Variants in CFAP299 observed in about 807,000 individuals in gnomAD.
CFAP299 encodes the protein cilia and flagella associated protein 299, also known as cilia- and flagella-associated protein 299.
CFAP299 carries 21 observed loss-of-function variants against 27.0 expected under a neutral mutation model. The observed-to-expected ratio is 0.78, with a 90% CI of 0.55 to 1.12. CFAP299 has a LOEUF of 1.12. Ranked by LOEUF, CFAP299 falls within the 50% of genes most tolerant of loss-of-function variation. CFAP299 has a pLI of 0.00. For missense variants in CFAP299, 310 were observed against 276.6 expected (o/e 1.12, Z -0.86); for synonymous variants, 104 against 98.1 (o/e 1.06, Z -0.36).
intron 2 of CFAP299, among the ~76,000 whole-genome samples, chr4:80,471,816 T>C (rs1350012635): frequency 2.6e-5 from 4 of 152,192 alleles, no homozygotes; most frequent in Non-Finnish European, 5.9e-5. Flanking sequence ...AGTGTTTCTG[T>C]AACTGCGAGA....
intron 2 of CFAP299, among the ~76,000 whole-genome samples, chr4:80,405,690 G>A (rs549543562): frequency 1.1e-3 from 162 of 151,912 alleles, no homozygotes; most frequent in Non-Finnish European, 1.5e-3. Flanking sequence ...TAGTATTTAA[G>A]CACATCCTTC....
intron 4 of CFAP299, among the ~76,000 whole-genome samples, chr4:80,894,024 CAAA>C (rs1459872471): frequency 2.0e-5 from 3 of 151,518 alleles, no homozygotes; most frequent in African/African-American, 7.3e-5. Context: ...AGCAAGAAAA[CAAA>C]TAACCCAATT....
chr4:80,360,502 G>A (rs1030358226), intron 1 of CFAP299, among the ~76,000 whole-genome samples: 6 of 152,190 alleles, frequency 3.9e-5, no homozygotes, highest in Non-Finnish European at 5.9e-5. Context: ...AGATGTCAGT[G>A]ATTATCTCTG....
chr4:80,824,698 A>G (rs2110126738), intron 3 of CFAP299, among the ~76,000 whole-genome samples: 1 of 152,274 alleles, frequency 6.6e-6, no homozygotes, highest in Non-Finnish European at 1.5e-5. Context: ...CCTTAAGTTT[A>G]CATGTCAGGC....
intron 4 of CFAP299, among the ~76,000 whole-genome samples, chr4:80,908,437 T>C (rs907160537): frequency 3.3e-5 from 5 of 152,212 alleles, no homozygotes; most frequent in Non-Finnish European, 2.9e-5. Context: ...TTTGAGAATA[T>C]TGATTTAGCA....
chr4:80,476,045 G>A (rs1445247240), intron 2 of CFAP299, among the ~76,000 whole-genome samples: 2 of 152,202 alleles, frequency 1.3e-5, no homozygotes, highest in African/African-American at 4.8e-5. Flanking sequence ...ACATGGTGCT[G>A]TAATAATGCT....
In CFAP299 at chr4:80,596,006, G is replaced by A. The variant is rs941572232; in HGVS notation, c.333+12823G>A. 3.3e-5 allele frequency among the ~76,000 whole-genome samples: 5 copies of A among 152,040 alleles called. 1 individual carries two copies. In the South Asian group the frequency reaches 1.0e-3, roughly 32 times the overall value. On this transcript the variant is annotated intron_variant, in intron 3 of 5. Transcript: ENST00000358105. ...CTATTAGTCTTTGTGAGACTCTCTT[G>A]AATGAAACAGAATTGACCAAATGAA...
At chr4:80,437,501 C>T (rs530629240) in intron 2 of CFAP299, among the ~76,000 whole-genome samples, 59 of 152,220 alleles carry the variant, frequency 3.9e-4, no homozygotes, top group Non-Finnish European at 6.5e-4. Context: ...ACGATGGAGG[C>T]GAGCTGATAC....
At chr4:80,387,988 C>T in intron 2 of CFAP299, 1 of 727,350 alleles carries the variant, frequency 1.4e-6, no homozygotes, top group South Asian at 1.7e-5. Context: ...ATACTGGAGC[C>T]TCCACACACT....
At chr4:80,897,550 A>T (rs973081763) in intron 4 of CFAP299, among the ~76,000 whole-genome samples, 2 of 152,214 alleles carry the variant, frequency 1.3e-5, no homozygotes, top group Non-Finnish European at 1.5e-5. Flanking sequence ...TTTAGCTTTC[A>T]TAATAACTCT....
chr4:80,606,967 T>C lies in CFAP299; in HGVS notation c.333+23784T>C, dbSNP rs549237822. On this transcript the variant is annotated intron_variant, in intron 3 of 5. Transcript: ENST00000358105. ...TTTGATATAATCATCATTTGACTTTTCTTGTCTTTGATGCATTCAGTAATG... is the reference window on the plus strand; with the variant it reads ...TTTGATATAATCATCATTTGACTTTCCTTGTCTTTGATGCATTCAGTAATG... 6.6e-5 allele frequency among the ~76,000 whole-genome samples: 10 copies of C among 152,328 alleles called. No homozygotes were observed. In the South Asian group the frequency reaches 1.5e-3, roughly 22 times the overall value.
intron 2 of CFAP299, among the ~76,000 whole-genome samples, chr4:80,438,412 T>A (rs1160921830): frequency 6.6e-6 from 1 of 152,222 alleles, no homozygotes; most frequent in Admixed American, 6.5e-5. Context: ...CCAAATGTCA[T>A]CCCAACTCTT....
intron 2 of CFAP299, among the ~76,000 whole-genome samples, chr4:80,396,929 T>A (rs1725830445): frequency 1.3e-5 from 2 of 152,212 alleles, no homozygotes; most frequent in African/African-American, 4.8e-5. Flanking sequence ...CTTTTTCTAT[T>A]GATTGGAATA....
intron 3 of CFAP299, among the ~76,000 whole-genome samples, chr4:80,844,888 G>A (rs997131906): frequency 1.3e-5 from 2 of 152,138 alleles, no homozygotes; most frequent in African/African-American, 2.4e-5. Context: ...ATGGTTTTAG[G>A]TCTAACATGT....
chr4:80,441,337 T>C lies in CFAP299; in HGVS notation c.242+78453T>C, dbSNP rs144989272. On this transcript the variant is annotated intron_variant, in intron 2 of 5. Coordinates refer to ENST00000358105, the MANE Select transcript of CFAP299 (RefSeq NM_152770.3). ...CAGGTTACCCACAACAAGAAGTCCA[T>C]TGGAGTAACAGCGGATCTCTCTGCA... is the stretch of plus-strand genomic sequence containing the variant. Among the ~76,000 whole-genome samples, 477 of 152,288 alleles carry C rather than the reference T, an allele frequency of 3.1e-3. 3 individuals carry two copies. The highest frequency in any genetic ancestry group is 0.011 in the African/African-American group (460 of 41,556).
chr4:80,924,678 T>C (rs369783147), intron 4 of CFAP299, among the ~76,000 whole-genome samples: 7 of 151,376 alleles, frequency 4.6e-5, no homozygotes, highest in African/African-American at 1.4e-4. Context: ...GCCAAATTGC[T>C]TTCCAAGGTG....
At chr4:80,822,023 G>A (rs888398439) in intron 3 of CFAP299, among the ~76,000 whole-genome samples, 1 of 152,064 alleles carries the variant, frequency 6.6e-6, no homozygotes, top group African/African-American at 2.4e-5. Flanking sequence ...TGTGTGAAAA[G>A]GCCTCTGTAG....
chr4:80,886,710 C>T (rs1009575395), intron 4 of CFAP299, among the ~76,000 whole-genome samples: 2 of 152,024 alleles, frequency 1.3e-5, no homozygotes, highest in South Asian at 2.1e-4. Context: ...TCCAGGAACA[C>T]GTAACTTCAC....
At chr4:80,768,215 G>C (rs1726006060) in intron 3 of CFAP299, among the ~76,000 whole-genome samples, 1 of 152,114 alleles carries the variant, frequency 6.6e-6, no homozygotes, top group African/African-American at 2.4e-5. Context: ...CTTTTGCAAA[G>C]CACATAGGAT....
Sources: allele counts gnomAD v4.1 joint callset (sites outside exome capture counted in the v4.1 genomes callset), GRCh38; gene constraint gnomAD v4.1.1; transcripts MANE v1.5; gene names NCBI Gene and HGNC (gene_info 2026-07-23, HGNC 2026-07-21).